TPRG1: variants seen among roughly 807,000 people sequenced by gnomAD.
TPRG1 encodes the protein tumor protein p63-regulated gene 1 protein.
In TPRG1, 29 loss-of-function variants were observed where a neutral mutation model predicts 29.3. The observed-to-expected ratio is 0.99, with a 90% CI of 0.74 to 1.35. The LOEUF (loss-of-function observed/expected upper bound fraction) is 1.35, where lower values mean the gene tolerates loss of function less well. TPRG1 is among the 40% of genes most tolerant of loss of function. The pLI is 0.00. For synonymous variants in TPRG1, 130 were observed against 116.8 expected, an observed-to-expected ratio of 1.11 and a Z score of -0.73; for missense variants, 327 against 335.0, an observed-to-expected ratio of 0.98 and a Z score of 0.19.
chr3:189,265,992 C>T (rs981597517), intron 4 of TPRG1, among the ~76,000 whole-genome samples: 16 of 152,154 alleles, frequency 1.1e-4, no homozygotes, highest in Admixed American at 2.6e-4. Flanking sequence ...AGAAGGGTTC[C>T]TGCCAACTCC....
chr3:189,253,019 A>G (rs1277842785), intron 4 of TPRG1, among the ~76,000 whole-genome samples: 1 of 152,064 alleles, frequency 6.6e-6, no homozygotes, highest in Non-Finnish European at 1.5e-5. Flanking sequence ...TTTTGATATT[A>G]TTTATCATCT....
chr3:189,090,857 C>G (rs554319717), intron 4 of TPRG1, among the ~76,000 whole-genome samples: 2 of 151,964 alleles, frequency 1.3e-5, no homozygotes, highest in Admixed American at 1.3e-4. Flanking sequence ...GAAATTTATT[C>G]CAAAGTCTTT....
intron 4 of TPRG1, among the ~76,000 whole-genome samples, chr3:189,289,556 TAA>T (rs1718653599): frequency 6.6e-6 from 1 of 152,234 alleles, no homozygotes; most frequent in Non-Finnish European, 1.5e-5. Context: ...AAATGTCATT[TAA>T]ATTATCTTTC....
At chr3:189,028,580 T>C (rs1560403157) in intron 4 of TPRG1, among the ~76,000 whole-genome samples, 1 of 152,220 alleles carries the variant, frequency 6.6e-6, no homozygotes, top group Non-Finnish European at 1.5e-5. Context: ...GGGATCTAGA[T>C]TCCAGTTCCC....
chr3:189,124,567 TAC>T (rs533158661), intron 1 of TPRG1, among the ~76,000 whole-genome samples: 69 of 151,168 alleles, frequency 4.6e-4, no homozygotes, highest in African/African-American at 1.3e-3. Context: ...TATATATATA[TAC>T]ACACACACAC....
chr3:189,061,570 A>G (rs771257150), intron 4 of TPRG1, among the ~76,000 whole-genome samples: 2 of 152,210 alleles, frequency 1.3e-5, no homozygotes, highest in Admixed American at 6.5e-5. Flanking sequence ...TCCAGCAGCT[A>G]TAGGGAACTT....
chr3:189,076,695 G>A (rs1313283921), intron 4 of TPRG1, among the ~76,000 whole-genome samples: 1 of 151,856 alleles, frequency 6.6e-6, no homozygotes, highest in Non-Finnish European at 1.5e-5. Context: ...TCATTACTGG[G>A]AGTGATAAGA....
At chr3:189,203,899 G>A (rs1421379568) in intron 1 of TPRG1, among the ~76,000 whole-genome samples, 1 of 151,996 alleles carries the variant, frequency 6.6e-6, no homozygotes, top group African/African-American at 2.4e-5. Context: ...AAATTAGCTG[G>A]GCATGGTGGC....
At chr3:189,148,502 AAGG>A (rs1258698398) in intron 4 of TPRG1, among the ~76,000 whole-genome samples, 1 of 152,200 alleles carries the variant, frequency 6.6e-6, no homozygotes, top group African/African-American at 2.4e-5. Context: ...CTGTGGCAAA[AAGG>A]AGGAGAAAGT....
chr3:189,268,941 G>A lies in TPRG1; in HGVS notation c.479+30032G>A, dbSNP rs542288679. On this transcript the variant is annotated intron_variant, in intron 4 of 5. Transcript: ENST00000345063. ...ATTGAATGTTGGCTTTTCAAGCCTT[G>A]TCAATTTAGCATGTGTATTTTCTCT... 1.3e-3 allele frequency among the ~76,000 whole-genome samples: 200 copies of A among 152,256 alleles called. 1 individual carries two copies. Among genetic ancestry groups the A allele is most frequent in the African/African-American group, 4.3e-3 (179 of 41,536 alleles).
At chr3:189,056,782 G>T (rs944883918) in intron 4 of TPRG1, among the ~76,000 whole-genome samples, 6 of 152,232 alleles carry the variant, frequency 3.9e-5, no homozygotes, top group Admixed American at 2.0e-4. Context: ...ACTGCAGCAG[G>T]GTGGGGTTTT....
At chr3:189,037,939 G>A (rs1714379317) in intron 4 of TPRG1, among the ~76,000 whole-genome samples, 3 of 150,614 alleles carry the variant, frequency 2.0e-5, no homozygotes, top group Admixed American at 6.7e-5. Context: ...AATGAATACA[G>A]AGATAAACCA....
intron 1 of TPRG1, among the ~76,000 whole-genome samples, chr3:189,199,755 T>A (rs1733148502): frequency 6.6e-6 from 1 of 152,000 alleles, no homozygotes. Context: ...GCAGGAGAAT[T>A]GCTTGAACCC....
At chr3:189,142,526 C>A (rs1278100880) in intron 3 of TPRG1, among the ~76,000 whole-genome samples, 1 of 152,122 alleles carries the variant, frequency 6.6e-6, no homozygotes, top group Non-Finnish European at 1.5e-5. Flanking sequence ...GATTTGTGAT[C>A]TGTGGAAGCT....
intron 4 of TPRG1, among the ~76,000 whole-genome samples, chr3:189,252,168 A>C (rs1474592385): frequency 6.6e-6 from 1 of 152,192 alleles, no homozygotes; most frequent in East Asian, 1.9e-4. Context: ...TTTAACCCTG[A>C]GTGGACACAG....
intron 4 of TPRG1, among the ~76,000 whole-genome samples, chr3:189,081,314 C>T (rs1049407568): frequency 6.6e-6 from 1 of 151,990 alleles, no homozygotes; most frequent in African/African-American, 2.4e-5. Context: ...TGGGTAATGT[C>T]TTAGAAGAGC....
intron 3 of TPRG1, among the ~76,000 whole-genome samples, chr3:189,012,064 C>G (rs1272510325): frequency 6.6e-6 from 1 of 152,168 alleles, no homozygotes; most frequent in African/African-American, 2.4e-5. Context: ...GAGGTAGGAT[C>G]ATGTCATCTG....
chr3:189,257,424 G>T (rs976940558), intron 4 of TPRG1, among the ~76,000 whole-genome samples: 1 of 152,102 alleles, frequency 6.6e-6, no homozygotes, highest in Non-Finnish European at 1.5e-5. Context: ...CTTTCTCTCT[G>T]TCTGCCCTTA....
intron 1 of TPRG1, among the ~76,000 whole-genome samples, chr3:189,107,913 C>T (rs1262032172): frequency 6.6e-6 from 1 of 151,624 alleles, no homozygotes; most frequent in Non-Finnish European, 1.5e-5. Context: ...TTTCTCACTT[C>T]CTTGAAAAAA....
Sources: allele counts gnomAD v4.1 joint callset (sites outside exome capture counted in the v4.1 genomes callset), GRCh38; gene constraint gnomAD v4.1.1; transcripts MANE v1.5; gene names NCBI Gene and HGNC (gene_info 2026-07-23, HGNC 2026-07-21).